FRAS1: variants seen among roughly 807,000 people sequenced by gnomAD.
FRAS1 encodes Fraser extracellular matrix complex subunit 1, also known as extracellular matrix organizing protein FRAS1.
A neutral mutation model predicts 435.2 loss-of-function variants in FRAS1; 290 were observed. The ratio of observed to expected loss-of-function variants is 0.67; its 90% confidence interval spans 0.61 to 0.73. The LOEUF is 0.73. FRAS1 is among the 30% of genes least tolerant of loss of function. The pLI, the probability that FRAS1 is intolerant of heterozygous loss-of-function variation, is 0.00. For synonymous variants in FRAS1, 1,800 were observed against 1,851.0 expected (o/e 0.97, Z 0.71); for missense variants, 4,860 against 5,001.5 (o/e 0.97, Z 0.85).
In FRAS1 at chr4:78,144,691, T is replaced by C. The variant is rs560161696; in HGVS notation, c.108+78675T>C. ...TGAGCCTCTTTCTTTGCTTATAGAT[T>C]CACTTATATGTACAAAAACTTGATC... is the stretch of plus-strand genomic sequence containing the variant. On this transcript the variant is annotated intron_variant, in intron 2 of 73. Transcript: ENST00000512123. 2.0e-5 allele frequency among the ~76,000 whole-genome samples: 3 copies of C among 152,338 alleles called. No individual in the cohort carries two copies. The South Asian group carries it at 6.2e-4, about 32-fold the overall frequency.
In FRAS1 at chr4:78,202,306, T is replaced by A. The variant is rs533030867; in HGVS notation, c.109-35204T>A. ...ACTTTTCCAAATTCGTGCCCCCTCATTAAGCCCACTCTCTGGATGGAGCAG... is the reference window on the plus strand; with the variant it reads ...ACTTTTCCAAATTCGTGCCCCCTCAATAAGCCCACTCTCTGGATGGAGCAG... On this transcript the variant is annotated intron_variant, in intron 2 of 73. Transcript: ENST00000512123. Among the ~76,000 whole-genome samples the A allele has an allele frequency of 3.9e-5, 6 of 152,348 alleles. No homozygotes were observed. The South Asian group carries it at 1.2e-3, about 32-fold the overall frequency.
chr4:78,062,631 T>C (rs1299031537), intron 1 of FRAS1, among the ~76,000 whole-genome samples: 1 of 152,160 alleles, frequency 6.6e-6, no homozygotes. Context: ...TCAAAATTTC[T>C]CCAAAAATAC....
At chr4:78,295,376 G>A (rs1438568055) in intron 14 of FRAS1, among the ~76,000 whole-genome samples, 1 of 152,122 alleles carries the variant, frequency 6.6e-6, no homozygotes, top group Non-Finnish European at 1.5e-5. Flanking sequence ...AATGTATAAG[G>A]GTGCCTACTT....
chr4:78,253,623 A>T (rs1234761585), intron 5 of FRAS1, among the ~76,000 whole-genome samples: 1 of 152,082 alleles, frequency 6.6e-6, no homozygotes, highest in Non-Finnish European at 1.5e-5. Context: ...TGGCTCAAAG[A>T]TTTCCTAACC....
At chr4:78,363,840 A>G (rs937743148) in intron 21 of FRAS1, 68 bp from the exon 22 acceptor site, 8 of 1,543,064 alleles carry the variant, frequency 5.2e-6, no homozygotes, top group Non-Finnish European at 7.0e-6. Context: ...TATTACCCAC[A>G]CTTGGGGTGC....
Position 78,432,686 on chromosome 4 carries a change from A to T in FRAS1, c.5217+82A>T, listed in dbSNP as rs1734264048. 5 of 1,443,912 alleles carry T rather than the reference A, an allele frequency of 3.5e-6. No homozygotes were observed. The South Asian group carries it at 7.7e-5, about 22-fold the overall frequency. 89.4% of individuals were successfully genotyped at this position (1,443,912 alleles called of 1,614,324 possible). On this transcript the variant is annotated intron_variant, in intron 38 of 73. Transcript: ENST00000512123. The stretch of plus-strand genomic sequence containing the variant: ...GACTGGGCAGCAATGCCATGGCTGA[A>T]TATTTGGGGCAGCAGGTATATGGTC...
chr4:78,432,597 C>T lies in FRAS1; in HGVS notation c.5210C>T (p.Ala1737Val). Reference protein sequence around the residue: ...STAIITRSHLAYVDDSSPDPE... With the variant: ...STAIITRSHLVYVDDSSPDPE... ...GCCATAATCACTAGGTCACACCTTG[C>T]TTACGTGGTAAGTTCTTCCATTTGC... The change falls in exon 38 of 74, where the codon GCT becomes GTT. Residue 1737 changes from alanine (A) to valine (V), a missense_variant. Transcript: ENST00000512123. 1 of 1,573,398 alleles carries T rather than the reference C, an allele frequency of 6.4e-7. No individual in the cohort carries two copies. The highest frequency in any genetic ancestry group is 8.6e-7 in the Non-Finnish European group (1 of 1,156,550).
At position 78,295,805 on chromosome 4, in the gene FRAS1, C is replaced by T. The variant is rs146942206; in HGVS notation, c.1534+9266C>T. Among the ~76,000 whole-genome samples the T allele has an allele frequency of 6.0e-3, 906 of 150,870 alleles. 14 individuals carry two copies. The highest frequency in any genetic ancestry group is 0.021 in the African/African-American group (852 of 40,996). On this transcript the variant is annotated intron_variant, in intron 14 of 73. Transcript: ENST00000512123. ...TGTCACCCAGGCTGTAGTACAGTGG[C>T]GCAATCTTGGCTCACTGTAACCTCC...
intron 18 of FRAS1, among the ~76,000 whole-genome samples, chr4:78,322,764 T>C (rs1208063234): frequency 1.3e-5 from 2 of 152,210 alleles, no homozygotes; most frequent in Non-Finnish European, 2.9e-5. Flanking sequence ...ACACTACTTA[T>C]TGGAAGCTGG....
Position 78,266,918 on chromosome 4 carries a change from C to T in FRAS1, c.772C>T (p.Pro258Ser). Residue 258 changes from proline (P) to serine (S), a missense_variant, in exon 8 of 74, where the codon CCC (proline) becomes TCC (serine). Coordinates refer to ENST00000512123, the MANE Select transcript of FRAS1 (RefSeq NM_025074.7). ...CAGGTGTCACAAGCAGGCCTGCCTG[C>T]CCCTGAGATGCGGAAAGGTATTTGA... ...EVRCHKQACLPLRCGKGQSRA... is the reference protein window; with the variant it reads ...EVRCHKQACLSLRCGKGQSRA... 6.2e-7 allele frequency: 1 copy of T among 1,605,464 alleles called. No homozygotes were observed. The highest frequency in any genetic ancestry group is 8.5e-7 in the Non-Finnish European group (1 of 1,175,558).
chr4:78,331,205 G>C (rs1729935396), intron 18 of FRAS1, among the ~76,000 whole-genome samples: 1 of 152,200 alleles, frequency 6.6e-6, no homozygotes, highest in South Asian at 2.1e-4. Flanking sequence ...TCTAGGTTCT[G>C]TTTATCATAT....
At chr4:78,303,424 A>G (rs1338388107) in intron 14 of FRAS1, among the ~76,000 whole-genome samples, 3 of 152,140 alleles carry the variant, frequency 2.0e-5, no homozygotes, top group Admixed American at 2.0e-4. Flanking sequence ...TGGGGATGGC[A>G]TTGAATCTGT....
intron 45 of FRAS1, among the ~76,000 whole-genome samples, chr4:78,451,191 A>T (rs7655401): frequency 0.025 from 3,874 of 152,186 alleles, 166 homozygotes; most frequent in African/African-American, 0.089. Flanking sequence ...ACCAAATTGA[A>T]AGATGCTTTT....
At chr4:78,321,574 T>C (rs1729505210) in intron 18 of FRAS1, among the ~76,000 whole-genome samples, 1 of 152,210 alleles carries the variant, frequency 6.6e-6, no homozygotes, top group African/African-American at 2.4e-5. Flanking sequence ...CTGGGTTCGG[T>C]GGCTCACGCC....
At chr4:78,443,838 T>C (rs1369832973) in intron 41 of FRAS1, among the ~76,000 whole-genome samples, 1 of 152,210 alleles carries the variant, frequency 6.6e-6, no homozygotes, top group Non-Finnish European at 1.5e-5. Context: ...TTAGGCATCA[T>C]TTACTTTACT....
At chr4:78,284,229 A>ATTTTT (rs11453256) in intron 12 of FRAS1, among the ~76,000 whole-genome samples, 176 bp from the exon 13 acceptor site, 16,751 of 80,538 alleles carry the variant, frequency 0.21, 2,227 homozygotes, top group Non-Finnish European at 0.27. Flanking sequence ...ATTGGAATGT[A>ATTTTT]TTTTTTTTTT....
Position 78,511,467 on chromosome 4 carries a change from T to G in FRAS1, c.9974T>G (p.Leu3325Trp). The stretch of plus-strand genomic sequence containing the variant: ...CAGGCTCAGTCCTTCATCGCAACCT[T>G]GAAATACCTGGATGTCAAACATAAG... The part of the protein sequence containing the change: ...GFQAQSFIAT[L>W]KYLDVKHKEH... Residue 3325 changes from leucine (L) to tryptophan (W), a missense_variant, in exon 64 of 74, where the codon TTG (leucine) becomes TGG (tryptophan). By Grantham distance (61) the Leu-to-Trp change is moderately conservative (BLOSUM62 -2). Coordinates refer to ENST00000512123, the MANE Select transcript of FRAS1 (RefSeq NM_025074.7). The G allele has an allele frequency of 6.2e-7, 1 of 1,613,796 alleles. No individual in the cohort carries two copies. The highest frequency in any genetic ancestry group is 8.5e-7 in the Non-Finnish European group (1 of 1,179,822).
chr4:78,332,356 A>G (rs1423224434), intron 18 of FRAS1, among the ~76,000 whole-genome samples: 1 of 152,188 alleles, frequency 6.6e-6, no homozygotes, highest in Admixed American at 6.5e-5. Context: ...AAAAGGCATG[A>G]TTAAGACAAT....
At chr4:78,415,646 C>G (rs1439322403) in intron 32 of FRAS1, among the ~76,000 whole-genome samples, 1 of 152,112 alleles carries the variant, frequency 6.6e-6, no homozygotes, top group African/African-American at 2.4e-5. Flanking sequence ...ACAGGTTGTT[C>G]AGTTGGCTGG....
Sources: allele counts gnomAD v4.1 joint callset (sites outside exome capture counted in the v4.1 genomes callset), GRCh38; gene constraint gnomAD v4.1.1; transcripts MANE v1.5; gene names NCBI Gene and HGNC (gene_info 2026-07-23, HGNC 2026-07-21).